The following VGLL4 variants were observed in gnomAD, a reference collection of about 807,000 sequenced individuals.
VGLL4 encodes transcription cofactor vestigial-like protein 4.
In VGLL4, 7 loss-of-function variants were observed where a neutral mutation model predicts 21.0. That is an observed-to-expected ratio of 0.33 (90% CI 0.19 to 0.63). VGLL4 has a LOEUF of 0.63. Ranked by LOEUF, VGLL4 falls within the 20% of genes least tolerant of loss-of-function variation. VGLL4 has a pLI of 0.78. For missense variants in VGLL4, 394 were observed against 425.7 expected (o/e 0.93, Z 0.66); for synonymous variants, 222 against 173.2 (o/e 1.28, Z -2.21).
intron 2 of VGLL4, among the ~76,000 whole-genome samples, chr3:11,654,132 A>G (rs2075921663): frequency 6.6e-6 from 1 of 152,156 alleles, no homozygotes; most frequent in Admixed American, 6.5e-5. Context: ...AGTGACAATA[A>G]TGCCACAAAT....
rs144198523 is a variant in VGLL4 at position 11,622,245 on chromosome 3, C to T, written c.83-20223G>A. Among the ~76,000 whole-genome samples, 121 of 152,256 alleles carry T rather than the reference C, an allele frequency of 7.9e-4. 1 individual carries two copies. The East Asian group carries it at 0.017, about 22-fold the overall frequency. ...TTCTAAATGCCATTATCTTCCCATC[C>T]GGTTTCTTGATAAGCCAGCCTATGC... is the stretch of plus-strand genomic sequence containing the variant. On this transcript the variant is annotated intron_variant, in intron 1 of 4. Transcript: ENST00000430365.
At chr3:11,657,970 G>A (rs1176449158) in intron 2 of VGLL4, among the ~76,000 whole-genome samples, 1 of 152,088 alleles carries the variant, frequency 6.6e-6, no homozygotes, top group East Asian at 1.9e-4. Context: ...CTGTTGCCCA[G>A]GCTGTAGTGC....
chr3:11,600,024 A>G (rs1230985552), intron 2 of VGLL4, among the ~76,000 whole-genome samples: 5 of 152,174 alleles, frequency 3.3e-5, no homozygotes, highest in African/African-American at 1.2e-4. Flanking sequence ...ACTATCAAAC[A>G]TTAAATCCAC....
chr3:11,717,240 AT>A (rs1226956870), intron 1 of VGLL4, among the ~76,000 whole-genome samples: 1 of 134,076 alleles, frequency 7.5e-6, no homozygotes, highest in Non-Finnish European at 1.6e-5. Context: ...CGTGTATTTT[AT>A]TTTTCCTTCC....
At chr3:11,721,782 G>A (rs1203706092), upstream of VGLL4, 1 of 152,186 alleles carries the variant, frequency 6.6e-6, no homozygotes, top group Non-Finnish European at 1.5e-5. Flanking sequence ...TATAGGATTT[G>A]GGGCAAGTTA....
chr3:11,613,332 C>T (rs2075098582), intron 1 of VGLL4, among the ~76,000 whole-genome samples: 1 of 151,858 alleles, frequency 6.6e-6, no homozygotes, highest in Non-Finnish European at 1.5e-5. Flanking sequence ...TGCCACAGGC[C>T]CTGAGATGGT....
chr3:11,704,234 T>A (rs1263462546), intron 1 of VGLL4, among the ~76,000 whole-genome samples: 2 of 150,756 alleles, frequency 1.3e-5, no homozygotes, highest in Non-Finnish European at 3.0e-5. Context: ...TACAAAAAAA[T>A]TAGCCGGGTA....
In VGLL4 at chr3:11,559,423, A is replaced by G; in HGVS notation, c.528T>C (p.Ala176=). ...GCGAGAGGTTGCAGTTGCGGGCGCC[A>G]GCCGAGGCACAGGTGATCACGGAGG... The part of the protein sequence containing the change: ...NRPSVITCAS[A]GARNCNLSHC... The change falls in exon 4 of 5, where the codon GCT becomes GCC. Residue 176 remains alanine (A), a synonymous_variant. Transcript: ENST00000430365. 2.6e-6 allele frequency: 4 copies of G among 1,565,692 alleles called. No individual in the cohort carries two copies. Among genetic ancestry groups the G allele is most frequent in the Non-Finnish European group, 3.5e-6 (4 of 1,155,994 alleles).
chr3:11,633,486 T>C, intron 1 of VGLL4: 1 of 152,308 alleles, frequency 6.6e-6, no homozygotes, highest in Non-Finnish European at 1.5e-5. Flanking sequence ...TGGCCAACAC[T>C]GTGAAACCCC....
At chr3:11,703,716 C>A (rs2076716637) in intron 1 of VGLL4, among the ~76,000 whole-genome samples, 1 of 152,150 alleles carries the variant, frequency 6.6e-6, no homozygotes, top group Admixed American at 6.5e-5. Flanking sequence ...AACCAGAATG[C>A]TTTTTACCCA....
chr3:11,670,240 A>T (rs1469276202), intron 2 of VGLL4, among the ~76,000 whole-genome samples: 1 of 152,138 alleles, frequency 6.6e-6, no homozygotes, highest in Non-Finnish European at 1.5e-5. Context: ...TGTTCCCTGG[A>T]AGACATTCAA....
At chr3:11,635,301 T>C (rs191572879) in intron 1 of VGLL4, among the ~76,000 whole-genome samples, 11 of 152,224 alleles carry the variant, frequency 7.2e-5, no homozygotes, top group African/African-American at 2.4e-4. Flanking sequence ...TGGGAGAGAC[T>C]TGTATAGGAG....
At position 11,643,761 on chromosome 3, in the gene VGLL4, C is replaced by A. The variant is rs528135057; in HGVS notation, c.-243G>T. On this transcript the variant is annotated 5_prime_UTR_variant, in exon 1 of 5. Transcript: ENST00000430365. ...ACGGTGTATGTACTGTATCCCCGAT[C>A]GAGTATGAAAACAGCGTTTCAGAAG... The A allele has an allele frequency of 3.4e-4, 414 of 1,226,302 alleles. 1 individual carries two copies. Among genetic ancestry groups the A allele is most frequent in the Admixed American group, 7.2e-4 (18 of 25,108 alleles). 76.0% of individuals were successfully genotyped at this position (1,226,302 alleles called of 1,614,324 possible).
At chr3:11,701,634 G>A (rs1231511291) in intron 2 of VGLL4, among the ~76,000 whole-genome samples, 1 of 152,154 alleles carries the variant, frequency 6.6e-6, no homozygotes, top group Non-Finnish European at 1.5e-5. Context: ...GGTAGGTATT[G>A]TTGCTCCATG....
At chr3:11,594,245 C>T (rs1264610791) in intron 2 of VGLL4, among the ~76,000 whole-genome samples, 1 of 152,220 alleles carries the variant, frequency 6.6e-6, no homozygotes, top group African/African-American at 2.4e-5. Flanking sequence ...TGGTGTCACA[C>T]ACAGCAGGGT....
intron 1 of VGLL4, among the ~76,000 whole-genome samples, chr3:11,642,824 G>T (rs2075721655): frequency 1.3e-5 from 2 of 152,144 alleles, no homozygotes; most frequent in Admixed American, 1.3e-4. Context: ...GGAGCGGAGC[G>T]CGAGGAACAC....
At chr3:11,704,799 C>G (rs1202502514) in intron 1 of VGLL4, among the ~76,000 whole-genome samples, 1 of 152,188 alleles carries the variant, frequency 6.6e-6, no homozygotes, top group Non-Finnish European at 1.5e-5. Flanking sequence ...CAAAACGCAT[C>G]TCAGGGAACA....
chr3:11,705,974 T>G (rs2076756409), intron 1 of VGLL4, among the ~76,000 whole-genome samples: 1 of 151,752 alleles, frequency 6.6e-6, no homozygotes, highest in African/African-American at 2.4e-5. Context: ...CTGATAAGCA[T>G]CCTACTTTGC....
At chr3:11,707,763 G>A (rs1439441449) in intron 1 of VGLL4, among the ~76,000 whole-genome samples, 1 of 152,160 alleles carries the variant, frequency 6.6e-6, no homozygotes, top group African/African-American at 2.4e-5. Flanking sequence ...GGAGGCTGAG[G>A]TGGGAGGCTC....
Sources: allele counts gnomAD v4.1 joint callset (sites outside exome capture counted in the v4.1 genomes callset), GRCh38; gene constraint gnomAD v4.1.1; transcripts MANE v1.5; gene names NCBI Gene and HGNC (gene_info 2026-07-23, HGNC 2026-07-21).